ROBO2: variants seen among roughly 807,000 people sequenced by gnomAD.
The protein encoded by ROBO2 is roundabout homolog 2.
A neutral mutation model predicts 160.8 loss-of-function variants in ROBO2; 53 were observed. That is an observed-to-expected ratio of 0.33 (90% CI 0.26 to 0.41). ROBO2 has a LOEUF of 0.41. ROBO2 is among the 10% of genes least tolerant of loss of function. ROBO2 has a pLI of 1.00. For synonymous variants in ROBO2, 664 were observed against 611.7 expected, an observed-to-expected ratio of 1.09 and a Z score of -1.26; for missense variants, 1,577 against 1,722.4, an observed-to-expected ratio of 0.92 and a Z score of 1.49.
chr3:77,193,737 G>A (rs1225293833), intron 2 of ROBO2, among the ~76,000 whole-genome samples: 1 of 151,942 alleles, frequency 6.6e-6, no homozygotes, highest in African/African-American at 2.4e-5. Context: ...ATAGGGAATT[G>A]CTCTTTGAAC....
intron 2 of ROBO2, among the ~76,000 whole-genome samples, chr3:76,920,342 T>G (rs2076579289): frequency 1.3e-5 from 2 of 152,162 alleles, no homozygotes; most frequent in African/African-American, 4.8e-5. Context: ...AACAATAAAT[T>G]TGCTGCCATC....
intron 2 of ROBO2, among the ~76,000 whole-genome samples, chr3:76,558,186 C>T (rs2083927039): frequency 6.6e-6 from 1 of 151,946 alleles, no homozygotes. Flanking sequence ...TTCATATTCC[C>T]GTGTGAACTG....
chr3:76,216,485 AC>A (rs1237168920), intron 2 of ROBO2, among the ~76,000 whole-genome samples: 1 of 152,124 alleles, frequency 6.6e-6, no homozygotes, highest in Non-Finnish European at 1.5e-5. Flanking sequence ...CAAATGGAAA[AC>A]AGAAAAAGAC....
chr3:76,057,735 A>G (rs1483877966), intron 2 of ROBO2, among the ~76,000 whole-genome samples: 1 of 152,072 alleles, frequency 6.6e-6, no homozygotes, highest in African/African-American at 2.4e-5. Context: ...TATTCACCAA[A>G]TGTCCTTTGT....
intron 2 of ROBO2, among the ~76,000 whole-genome samples, chr3:77,228,604 G>T (rs1023307925): frequency 1.3e-5 from 2 of 152,064 alleles, no homozygotes; most frequent in African/African-American, 2.4e-5. Flanking sequence ...TTGGGGAAAG[G>T]GGAGGGGTAG....
At chr3:76,857,220 C>T (rs1255252988) in intron 2 of ROBO2, among the ~76,000 whole-genome samples, 2 of 152,104 alleles carry the variant, frequency 1.3e-5, no homozygotes, top group African/African-American at 4.8e-5. Flanking sequence ...CTCCTGACCT[C>T]GTGATCCGCC....
At chr3:76,571,291 T>C (rs534426624) in intron 2 of ROBO2, among the ~76,000 whole-genome samples, 97 of 152,272 alleles carry the variant, frequency 6.4e-4, no homozygotes, top group Non-Finnish European at 7.8e-4. Flanking sequence ...ATGTAGTGAG[T>C]GGTAATGTTT....
chr3:77,217,375 T>C (rs911972346), intron 2 of ROBO2, among the ~76,000 whole-genome samples: 8 of 152,268 alleles, frequency 5.3e-5, no homozygotes, highest in Admixed American at 5.2e-4. Context: ...ACTCCTGGCC[T>C]CAGGTGATCT....
At chr3:76,896,683 C>A (rs2074804550) in intron 2 of ROBO2, among the ~76,000 whole-genome samples, 1 of 152,044 alleles carries the variant, frequency 6.6e-6, no homozygotes, top group South Asian at 2.1e-4. Flanking sequence ...CCTTATGTAA[C>A]TCACTTGATA....
chr3:76,633,698 T>G (rs892157599), intron 2 of ROBO2, among the ~76,000 whole-genome samples: 3 of 152,354 alleles, frequency 2.0e-5, no homozygotes, highest in African/African-American at 7.2e-5. Context: ...ATGTCCTAAA[T>G]GCTTTATGTG....
At chr3:76,097,408 G>A (rs1318016982) in intron 2 of ROBO2, among the ~76,000 whole-genome samples, 1 of 152,090 alleles carries the variant, frequency 6.6e-6, no homozygotes, top group Non-Finnish European at 1.5e-5. Flanking sequence ...CTTCCGTGCT[G>A]GCCAGCTGTG....
chr3:76,992,695 A>G (rs1397851783), intron 2 of ROBO2, among the ~76,000 whole-genome samples: 2 of 152,010 alleles, frequency 1.3e-5, no homozygotes, highest in Non-Finnish European at 2.9e-5. Context: ...ACAGAAATCT[A>G]TCTTCCCCTG....
chr3:77,248,743 G>C (rs546227940), intron 2 of ROBO2, among the ~76,000 whole-genome samples: 107 of 151,912 alleles, frequency 7.0e-4, no homozygotes, highest in African/African-American at 2.5e-3. Flanking sequence ...GCCCACGAAG[G>C]GGGCAGGAAA....
intron 2 of ROBO2, among the ~76,000 whole-genome samples, chr3:77,466,399 G>A (rs2082765061): frequency 6.6e-6 from 1 of 152,044 alleles, no homozygotes; most frequent in Non-Finnish European, 1.5e-5. Flanking sequence ...TTAGGCTTTG[G>A]TTTATGTTCT....
At chr3:76,054,035 A>G (rs150027839) in intron 2 of ROBO2, among the ~76,000 whole-genome samples, 2 of 152,290 alleles carry the variant, frequency 1.3e-5, no homozygotes, top group Non-Finnish European at 2.9e-5. Flanking sequence ...GACCAAAGAC[A>G]TTAACAAACA....
At chr3:75,963,961 C>T (rs1026877805) in intron 2 of ROBO2, among the ~76,000 whole-genome samples, 13 of 151,796 alleles carry the variant, frequency 8.6e-5, no homozygotes, top group East Asian at 3.9e-4. Flanking sequence ...TTAAATCATC[C>T]GAATATGGTT....
At chr3:76,922,256 A>C (rs997595334) in intron 2 of ROBO2, among the ~76,000 whole-genome samples, 1 of 152,108 alleles carries the variant, frequency 6.6e-6, no homozygotes, top group Non-Finnish European at 1.5e-5. Flanking sequence ...GCTTGCAGTG[A>C]GCCGAGATCG....
At chr3:77,507,143 T>C (rs2088659038) in intron 5 of ROBO2, among the ~76,000 whole-genome samples, 1 of 152,206 alleles carries the variant, frequency 6.6e-6, no homozygotes, top group Admixed American at 6.6e-5. Flanking sequence ...AACCCACAAG[T>C]TATGTGAAAC....
chr3:76,072,238 C>CA (rs34275508), intron 2 of ROBO2, among the ~76,000 whole-genome samples: 93,994 of 149,938 alleles, frequency 0.63, 30,004 homozygotes, highest in Middle Eastern at 0.76. Context: ...CTTTCCCCCG[C>CA]AAAAAAAAAT....
Sources: allele counts gnomAD v4.1 joint callset (sites outside exome capture counted in the v4.1 genomes callset), GRCh38; gene constraint gnomAD v4.1.1; transcripts MANE v1.5; gene names NCBI Gene and HGNC (gene_info 2026-07-23, HGNC 2026-07-21).